Variants in ARID3A observed in about 807,000 individuals in gnomAD.
ARID3A encodes AT-rich interactive domain-containing protein 3A.
ARID3A carries 11 observed loss-of-function variants against 52.7 expected under a neutral mutation model. That is an observed-to-expected ratio of 0.21 (90% confidence interval 0.13 to 0.35). The LOEUF (loss-of-function observed/expected upper bound fraction) is 0.35, where lower values mean the gene tolerates loss of function less well. Among genes scored for constraint, ARID3A ranks in the 10% least tolerant of loss-of-function variants. The probability of loss-of-function intolerance (pLI) is 1.00; values close to 1 mark genes in which losing one functional copy is unlikely to be tolerated. For synonymous variants in ARID3A, 404 were observed against 359.4 expected, an observed-to-expected ratio of 1.12 and a Z score of -1.40; for missense variants, 721 against 838.5, an observed-to-expected ratio of 0.86 and a Z score of 1.73.
intron 3 of ARID3A, among the ~76,000 whole-genome samples, chr19:937,699 C>T (rs1285338918): frequency 2.2e-5 from 2 of 90,794 alleles, no homozygotes; most frequent in Non-Finnish European, 4.0e-5. Flanking sequence ...TTATTGTCGA[C>T]TTTTTTTTTT....
Position 944,268 on chromosome 19 carries a change from G to A in ARID3A, c.693+11526G>A, listed in dbSNP as rs567266284. Among the ~76,000 whole-genome samples the A allele has an allele frequency of 4.6e-5, 7 of 152,028 alleles. No homozygotes were observed. Among genetic ancestry groups the A allele is most frequent in the East Asian group, 1.9e-4 (1 of 5,186 alleles). On this transcript the variant is annotated intron_variant, in intron 3 of 8. Coordinates refer to ENST00000263620, the MANE Select transcript of ARID3A (RefSeq NM_005224.3). This position sits in a 1 kb window ranked among gnomAD's most constrained non-coding sequence, Gnocchi z 5.9. ...CGGTGGAGGGCGGGCCTGTCTCGCC[G>A]TTATCTCCCAGGCGTGTCTGCTCCC...
rs926037226 is a variant in ARID3A at position 972,626 on chromosome 19, G to A, written c.*561G>A. 6 of 221,808 alleles carry A rather than the reference G, an allele frequency of 2.7e-5. No individual in the cohort carries two copies. The highest frequency in any genetic ancestry group is 1.1e-4 in the African/African-American group (5 of 44,340). The allele number at this position is 221,808 out of a possible 1,614,324, so 13.7% of individuals were successfully genotyped here. ...TTTTTGTTTTTTTCTTGTTGCTTTG[G>A]GAAATTTTTTTTTCTCTGTAGGGTT... On this transcript the variant is annotated 3_prime_UTR_variant, in exon 9 of 9. Coordinates refer to ENST00000263620, the MANE Select transcript of ARID3A (RefSeq NM_005224.3).
At position 971,944 on chromosome 19, in the gene ARID3A, G is replaced by A. The variant is rs1270360847; in HGVS notation, c.1661G>A (p.Gly554Asp). The change falls in exon 9 of 9, where the codon GGC becomes GAC. Residue 554 changes from glycine (G) to aspartate (D), a missense_variant. Around this residue, in one of 5 missense-constraint regions of ARID3A, gnomAD observed 297 missense variants for 343.2 expected, o/e 0.87. Coordinates refer to ENST00000263620, the MANE Select transcript of ARID3A (RefSeq NM_005224.3). The stretch of plus-strand genomic sequence containing the variant: ...GCTCCCAACAAAGGAGGCGGCGGCG[G>A]CGGCGGCAGCAGCAGCAACGCAGGC... The part of the protein sequence containing the change: ...TSAPNKGGGG[G>D]GGSSSNAGGR... 1.2e-6 allele frequency: 2 copies of A among 1,600,584 alleles called. No individual in the cohort carries two copies. Among genetic ancestry groups the A allele is most frequent in the South Asian group, 1.1e-5 (1 of 90,262 alleles).
intron 3 of ARID3A, among the ~76,000 whole-genome samples, chr19:933,564 T>C (rs1183788677): frequency 3.9e-5 from 6 of 152,040 alleles, no homozygotes; most frequent in Non-Finnish European, 7.4e-5. Context: ...GGGAGGTGGA[T>C]GATGGACACG....
chr19:935,339 C>T (rs970972961), intron 3 of ARID3A, among the ~76,000 whole-genome samples: 1 of 152,202 alleles, frequency 6.6e-6, no homozygotes, highest in African/African-American at 2.4e-5. Flanking sequence ...GGCCTGGGGA[C>T]GTGCAGTTTT....
intron 2 of ARID3A, 46 bp from the exon 3 acceptor site, chr19:932,372 C>G: frequency 6.4e-7 from 1 of 1,569,910 alleles, no homozygotes; most frequent in East Asian, 2.4e-5. Context: ...TGGGCTGGGA[C>G]GAGCCAGCAC....
chr19:973,882 A>C lies in ARID3A; in HGVS notation c.*1817A>C. On this transcript the variant is annotated 3_prime_UTR_variant, in exon 9 of 9. Coordinates refer to ENST00000263620, the MANE Select transcript of ARID3A (RefSeq NM_005224.3). ...TGCTGGAGCAGAAAGGCTGGGTCTG[A>C]AATGCCCAGCAGGGTCTGGGGACTT... 4.3e-6 allele frequency: 1 copy of C among 230,900 alleles called. No homozygotes were observed. The highest frequency in any genetic ancestry group is 8.6e-6 in the Non-Finnish European group (1 of 116,572). The allele number at this position is 230,900 out of a possible 1,614,324, so 14.3% of individuals were successfully genotyped here.
At chr19:954,231 C>T (rs1019220576) in intron 3 of ARID3A, among the ~76,000 whole-genome samples, 2 of 152,132 alleles carry the variant, frequency 1.3e-5, no homozygotes, top group African/African-American at 2.4e-5. Context: ...GAGGGGCGGC[C>T]GGGGGACCTG....
rs2038114697 is a variant in ARID3A at position 964,898 on chromosome 19, A to T, written c.1016A>T (p.Gln339Leu). 1 of 1,613,864 alleles carries T rather than the reference A, an allele frequency of 6.2e-7. No homozygotes were observed. Among genetic ancestry groups the T allele is most frequent in the African/African-American group, 1.3e-5 (1 of 74,920 alleles). The change falls in exon 6 of 9, where the codon CAG (glutamine) becomes CTG (leucine). Residue 339 changes from glutamine (Q) to leucine (L), a missense_variant. Coordinates refer to ENST00000263620, the MANE Select transcript of ARID3A (RefSeq NM_005224.3). The surrounding 1 kb of genome is among the most constrained non-coding windows in gnomAD (Gnocchi z 5.7). ...GGCCTCAGTAACCCCAATGAGCTCC[A>T]GGCAGCCATAGACAGCAACCGACGG... ...KRGLSNPNEL[Q>L]AAIDSNRREG... is the part of the protein sequence containing the mutation.
intron 3 of ARID3A, among the ~76,000 whole-genome samples, chr19:952,581 G>A (rs772488900): frequency 1.3e-5 from 2 of 151,368 alleles, no homozygotes; most frequent in African/African-American, 4.9e-5. Flanking sequence ...GTCCCCAAAC[G>A]CTAGACACTT....
chr19:974,355 A>G lies in ARID3A; in HGVS notation c.*2290A>G, dbSNP rs755474188. The G allele has an allele frequency of 1.3e-5, 3 of 227,756 alleles. No individual in the cohort carries two copies. The highest frequency in any genetic ancestry group is 2.6e-5 in the Non-Finnish European group (3 of 114,730). 14.1% of individuals were successfully genotyped at this position (227,756 alleles called of 1,614,324 possible). On this transcript the variant is annotated 3_prime_UTR_variant, in exon 9 of 9. Transcript: ENST00000263620. ...CTGGGGCCAGCACCGTAGCAGCACA[A>G]TCACCCCGGGAAGGGGGTGTCTGTT...
chr19:957,183 G>A (rs544581545), intron 3 of ARID3A, among the ~76,000 whole-genome samples: 21 of 151,776 alleles, frequency 1.4e-4, no homozygotes, highest in Admixed American at 1.1e-3. Context: ...TCTGGAAGAC[G>A]TTCCGGGGCC....
rs113210590 is a variant in ARID3A, at chr19:960,422, A to G, written c.766+258A>G. Among the ~76,000 whole-genome samples, 41 of 152,104 alleles carry G rather than the reference A, an allele frequency of 2.7e-4. No homozygotes were observed. The highest frequency in any genetic ancestry group is 9.9e-4 in the African/African-American group (41 of 41,488). ...GGGGCAGGGCAGTCTCAGGGCCCCA[A>G]CCCAGAACAGACAGTCCAGGTCATC... On this transcript the variant is annotated intron_variant, in intron 4 of 8. Transcript: ENST00000263620. The surrounding 1 kb of genome is among the most constrained non-coding windows in gnomAD (Gnocchi z 4.3).
At chr19:966,197 C>T (rs1288313774) in intron 6 of ARID3A, among the ~76,000 whole-genome samples, 14 of 150,690 alleles carry the variant, frequency 9.3e-5, no homozygotes, top group Admixed American at 3.3e-4. Flanking sequence ...CGGTGGCTCA[C>T]GCCTGTAATC....
chr19:958,691 A>G (rs2037976011), intron 3 of ARID3A, among the ~76,000 whole-genome samples: 1 of 152,014 alleles, frequency 6.6e-6, no homozygotes, highest in African/African-American at 2.4e-5. Flanking sequence ...CAGGAGATCG[A>G]GACCATCCTG....
Position 966,744 on chromosome 19 carries a change from G to A in ARID3A, c.1371G>A (p.Glu457=), listed in dbSNP as rs1227679452. The stretch of plus-strand genomic sequence containing the variant: ...TGCGGGAGAAGCTGGAGTCTGCAGA[G>A]CCTCCGGAGAAGAAGATGGCCCTGG... ...EQLREKLESA[E]PPEKKMALVA... The change falls in exon 7 of 9, where the codon GAG becomes GAA. Residue 457 remains glutamate, a synonymous_variant. Transcript: ENST00000263620. 6.2e-7 allele frequency: 1 copy of A among 1,612,958 alleles called. No individual in the cohort carries two copies. The highest frequency in any genetic ancestry group is 8.5e-7 in the Non-Finnish European group (1 of 1,179,900).
chr19:956,268 C>T (rs2037915399), intron 3 of ARID3A, among the ~76,000 whole-genome samples: 1 of 152,138 alleles, frequency 6.6e-6, no homozygotes, highest in African/African-American at 2.4e-5. Context: ...GCCCTGTCCC[C>T]CTCTCCGCCC....
At chr19:931,616 T>A (rs1276752387) in intron 2 of ARID3A, among the ~76,000 whole-genome samples, 2 of 151,948 alleles carry the variant, frequency 1.3e-5, no homozygotes, top group Non-Finnish European at 1.5e-5. Context: ...ATCGAGACCA[T>A]CCTGGCTCAC....
chr19:969,791 G>A (rs1326480362), intron 8 of ARID3A, among the ~76,000 whole-genome samples: 2 of 150,386 alleles, frequency 1.3e-5, no homozygotes, highest in Admixed American at 6.6e-5. Context: ...GGGTTCGAGC[G>A]ATTCTCCTGC....
Sources: gnomAD v4.1 joint callset for allele counts (sites outside exome capture counted in the v4.1 genomes callset) on GRCh38, gnomAD v4.1.1 for gene constraint, gnomAD v4.1.1 regional missense constraint, Gnocchi (gnomAD v3.1) non-coding constraint, MANE v1.5 for transcripts, NCBI Gene and HGNC (gene_info 2026-07-23, HGNC 2026-07-21) for gene names.